PLCXD3: variants seen among roughly 807,000 people sequenced by gnomAD.
PLCXD3 encodes the protein PI-PLC X domain-containing protein 3.
Under a neutral mutation model 25.5 loss-of-function variants are expected in PLCXD3, and 19 were observed. That is an observed-to-expected ratio of 0.75 (90% CI 0.52 to 1.09). The LOEUF (loss-of-function observed/expected upper bound fraction) is 1.09, where lower values mean the gene tolerates loss of function less well. Ranked by LOEUF, PLCXD3 falls within the 50% of genes least tolerant of loss-of-function variation. The pLI is 0.00. For missense variants in PLCXD3, 411 were observed against 388.1 expected (o/e 1.06, Z -0.50); for synonymous variants, 174 against 137.6 (o/e 1.26, Z -1.85).
chr5:41,340,021 GCTCT>G (rs991708624), intron 2 of PLCXD3, among the ~76,000 whole-genome samples: 5 of 152,140 alleles, frequency 3.3e-5, no homozygotes, highest in African/African-American at 1.2e-4. Context: ...CAGATAAATG[GCTCT>G]CTGTTTGTGT....
rs1020830118 is a variant in PLCXD3, at chr5:41,311,506, A to C, written c.*2111T>G. The C allele has an allele frequency of 6.6e-6, 1 of 152,132 alleles. No individual in the cohort carries two copies. Among genetic ancestry groups the C allele is most frequent in the African/African-American group, 2.4e-5 (1 of 41,436 alleles). The allele number at this position is 152,132 out of a possible 1,614,324, so 9.4% of individuals were successfully genotyped here. ...AATATTATCAATGTCTTCATTTGAA[A>C]AGAAGAATTGTACTGTGTCCATATC... On this transcript the variant is annotated 3_prime_UTR_variant, in exon 3 of 3. Transcript: ENST00000377801.
intron 2 of PLCXD3, among the ~76,000 whole-genome samples, chr5:41,315,975 G>A (rs536904129): frequency 3.3e-5 from 5 of 152,318 alleles, no homozygotes; most frequent in Non-Finnish European, 5.9e-5. Context: ...AGGCAGTCTA[G>A]GTCATAAGAA....
intron 1 of PLCXD3, among the ~76,000 whole-genome samples, chr5:41,405,581 G>T (rs1231852543): frequency 6.6e-6 from 1 of 152,004 alleles, no homozygotes; most frequent in East Asian, 1.9e-4. Flanking sequence ...TTCCCTAAAA[G>T]AGAAAAAAGA....
chr5:41,397,394 G>T (rs538889271), intron 1 of PLCXD3, among the ~76,000 whole-genome samples: 2 of 152,300 alleles, frequency 1.3e-5, no homozygotes, highest in African/African-American at 4.8e-5. Context: ...ACATGGTTTA[G>T]GGCCTTCAGG....
At chr5:41,403,415 T>TTTTTTA (rs1452997209) in intron 1 of PLCXD3, among the ~76,000 whole-genome samples, 1 of 36,826 alleles carries the variant, frequency 2.7e-5, no homozygotes, top group African/African-American at 8.5e-5. Flanking sequence ...TTTTTTTTTT[T>TTTTTTA]TATTATACTC....
intron 1 of PLCXD3, among the ~76,000 whole-genome samples, chr5:41,496,604 G>A (rs1748843392): frequency 1.8e-5 from 2 of 112,224 alleles, no homozygotes. Flanking sequence ...AAACATAAAG[G>A]AAAGGTAAAG....
chr5:41,358,089 C>T (rs1744669560), intron 2 of PLCXD3, among the ~76,000 whole-genome samples: 2 of 152,160 alleles, frequency 1.3e-5, no homozygotes, highest in Admixed American at 1.3e-4. Flanking sequence ...TGATCACTCG[C>T]TATGTACCAG....
chr5:41,493,662 C>A (rs1342115512), intron 1 of PLCXD3, among the ~76,000 whole-genome samples: 1 of 152,230 alleles, frequency 6.6e-6, no homozygotes, highest in African/African-American at 2.4e-5. Flanking sequence ...CCCAGCCTAG[C>A]TGCCGCCTTG....
rs1554041759 is a variant in PLCXD3 at position 41,312,685 on chromosome 5, T to TTCCC, written c.*931_*932insGGGA. Reference sequence around the variant, plus strand: ...CTTCCTCCCTCCCTTCCTTTCTTCCTTTCCTTCCTTCCTTCCTTCCTTCCT... The same window carrying TTCCC: ...CTTCCTCCCTCCCTTCCTTTCTTCCTTCCCTTCCTTCCTTCCTTCCTTCCTTCCT... On this transcript the variant is annotated 3_prime_UTR_variant, in exon 3 of 3. Coordinates refer to ENST00000377801, the MANE Select transcript of PLCXD3 (RefSeq NM_001005473.3). 7 of 104,772 alleles carry TTCCC rather than the reference T, an allele frequency of 6.7e-5. No homozygotes were observed. The highest frequency in any genetic ancestry group is 1.1e-4 in the Admixed American group (1 of 9,152). The allele number at this position is 104,772 out of a possible 1,614,324, so 6.5% of individuals were successfully genotyped here. A position where few individuals can be genotyped will look rare whatever the true frequency, so the allele number is the denominator to read the frequency against.
chr5:41,374,147 G>A lies in PLCXD3; in HGVS notation c.812+7679C>T, dbSNP rs566266019. 4.9e-4 allele frequency among the ~76,000 whole-genome samples: 75 copies of A among 152,228 alleles called. 1 individual carries two copies. Among genetic ancestry groups the A allele is most frequent in the South Asian group, 4.1e-4 (2 of 4,824 alleles). On this transcript the variant is annotated intron_variant, in intron 2 of 2. Transcript: ENST00000377801. ...TAACTAAAACCAGGTTATTTTGTCA[G>A]TAGGGATGATTAAGGTGCAGCTTGT...
chr5:41,406,096 T>C (rs1746342699), intron 1 of PLCXD3, among the ~76,000 whole-genome samples: 1 of 152,022 alleles, frequency 6.6e-6, no homozygotes, highest in African/African-American at 2.4e-5. Context: ...TCGAAATATT[T>C]TCCTCCTTTG....
chr5:41,432,408 C>T (rs1747137718), intron 1 of PLCXD3, among the ~76,000 whole-genome samples: 1 of 152,064 alleles, frequency 6.6e-6, no homozygotes, highest in African/African-American at 2.4e-5. Flanking sequence ...TGGGTTTATT[C>T]AGCAGATAAA....
At chr5:41,383,072 A>G (rs932007277) in intron 1 of PLCXD3, among the ~76,000 whole-genome samples, 5 of 152,104 alleles carry the variant, frequency 3.3e-5, no homozygotes, top group Non-Finnish European at 7.4e-5. Context: ...GAGAAATAAG[A>G]CAAGAAGGCA....
intron 2 of PLCXD3, among the ~76,000 whole-genome samples, chr5:41,316,057 C>T (rs540367454): frequency 6.6e-6 from 1 of 152,310 alleles, no homozygotes; most frequent in African/African-American, 2.4e-5. Flanking sequence ...ATCACCTCTC[C>T]CCTAAACCCA....
At chr5:41,352,714 T>C (rs1347049091) in intron 2 of PLCXD3, among the ~76,000 whole-genome samples, 1 of 152,246 alleles carries the variant, frequency 6.6e-6, no homozygotes, top group Non-Finnish European at 1.5e-5. Context: ...TGAAGAATTC[T>C]TAACAGCTGA....
intron 2 of PLCXD3, among the ~76,000 whole-genome samples, chr5:41,377,412 T>C (rs1305239330): frequency 1.3e-5 from 2 of 152,028 alleles, no homozygotes; most frequent in Admixed American, 6.6e-5. Flanking sequence ...CAAAGATGCA[T>C]TGCTGCTTAA....
At position 41,440,899 on chromosome 5, in the gene PLCXD3, T is replaced by C. The variant is rs147415595; in HGVS notation, c.104-58365A>G. ...ACTTTAACCTAAGGCAGAAAGGATG[T>C]TCTCTTGAACTTTTAGAACCATGAG... On this transcript the variant is annotated intron_variant, in intron 1 of 2. Transcript: ENST00000377801. Among the ~76,000 whole-genome samples the C allele has an allele frequency of 5.3e-5, 8 of 152,298 alleles. No homozygotes were observed. The East Asian group carries it at 1.4e-3, about 26-fold the overall frequency.
intron 1 of PLCXD3, among the ~76,000 whole-genome samples, chr5:41,499,615 G>A (rs1441008974): frequency 2.0e-5 from 3 of 151,634 alleles, no homozygotes; most frequent in African/African-American, 7.3e-5. Context: ...AAACCTGCTG[G>A]CCTTTCACAG....
At chr5:41,430,343 C>A (rs1409550673) in intron 1 of PLCXD3, among the ~76,000 whole-genome samples, 1 of 152,054 alleles carries the variant, frequency 6.6e-6, no homozygotes, top group Non-Finnish European at 1.5e-5. Context: ...TTGCTTGGAA[C>A]CCTGATAGGG....
Sources: gnomAD v4.1 joint callset for allele counts (sites outside exome capture counted in the v4.1 genomes callset) on GRCh38, gnomAD v4.1.1 for gene constraint, MANE v1.5 for transcripts, NCBI Gene and HGNC (gene_info 2026-07-23, HGNC 2026-07-21) for gene names.